The following VAMP4 variants were observed in gnomAD, a reference collection of about 807,000 sequenced individuals.
VAMP4 encodes the protein vesicle-associated membrane protein 4.
A neutral mutation model predicts 23.5 loss-of-function variants in VAMP4; 19 were observed. The observed-to-expected ratio is 0.81, with a 90% CI of 0.56 to 1.19. The LOEUF is 1.19. Among genes scored for constraint, VAMP4 ranks in the 50% most tolerant of loss-of-function variants. The pLI, the probability that VAMP4 is intolerant of heterozygous loss-of-function variation, is 0.00. For missense variants in VAMP4, 145 were observed against 168.6 expected (o/e 0.86, Z 0.78); for synonymous variants, 31 against 51.0 (o/e 0.61, Z 1.67).
chr1:171,721,937 A>G (rs1348331062), intron 3 of VAMP4, among the ~76,000 whole-genome samples: 2 of 152,128 alleles, frequency 1.3e-5, no homozygotes, highest in South Asian at 2.1e-4. Context: ...AAAAGAGCCC[A>G]CATTGCCAAG....
intron 4 of VAMP4, among the ~76,000 whole-genome samples, chr1:171,715,195 A>G (rs1341784746): frequency 6.6e-6 from 1 of 152,222 alleles, no homozygotes; most frequent in Non-Finnish European, 1.5e-5. Context: ...GCTATTAACT[A>G]AAATAAAAAA....
intron 1 of VAMP4, among the ~76,000 whole-genome samples, chr1:171,739,586 T>C (rs1655862460): frequency 6.6e-6 from 1 of 152,234 alleles, no homozygotes. Context: ...GAACTTGTGA[T>C]TGGCACCTGA....
intron 2 of VAMP4, among the ~76,000 whole-genome samples, chr1:171,736,310 G>T (rs535907071): frequency 1.3e-4 from 20 of 152,142 alleles, no homozygotes; most frequent in Non-Finnish European, 2.1e-4. Context: ...AAGAGACCCT[G>T]GATTATCCCT....
At chr1:171,735,500 C>A (rs1018829598) in intron 2 of VAMP4, among the ~76,000 whole-genome samples, 2 of 152,186 alleles carry the variant, frequency 1.3e-5, no homozygotes, top group African/African-American at 4.8e-5. Context: ...GACTTAGGGG[C>A]TCTCTGTCCA....
intron 7 of VAMP4, among the ~76,000 whole-genome samples, chr1:171,705,542 C>G (rs1654622067): frequency 6.6e-6 from 1 of 152,034 alleles, no homozygotes; most frequent in South Asian, 2.1e-4. Flanking sequence ...TTTTGTTACT[C>G]TGAAAATGTC....
intron 6 of VAMP4, among the ~76,000 whole-genome samples, chr1:171,707,983 C>T (rs1036949655): frequency 1.3e-5 from 2 of 151,926 alleles, no homozygotes; most frequent in Non-Finnish European, 2.9e-5. Context: ...AATTAGCCCA[C>T]AGAATAGAAA....
intron 3 of VAMP4, among the ~76,000 whole-genome samples, chr1:171,721,956 A>C (rs1294183214): frequency 6.6e-6 from 1 of 152,204 alleles, no homozygotes; most frequent in African/African-American, 2.4e-5. Context: ...AGACAATCCT[A>C]AGCCAAAAGA....
chr1:171,738,335 G>A lies in VAMP4; in HGVS notation c.66+14C>T, dbSNP rs1655809015. ...TGAATCTTTTGTTTTTAAAGCTTAA[G>A]ATTCCGAACTTACCCTTTCACTTTT... is the stretch of plus-strand genomic sequence containing the variant. On this transcript the variant is annotated intron_variant, in intron 2 of 7. Transcript: ENST00000236192. 1.2e-6 allele frequency: 2 copies of A among 1,612,610 alleles called. No homozygotes were observed. Among genetic ancestry groups the A allele is most frequent in the South Asian group, 2.2e-5 (2 of 90,704 alleles).
intron 5 of VAMP4, among the ~76,000 whole-genome samples, chr1:171,710,134 A>G (rs1654801555): frequency 6.6e-6 from 1 of 152,106 alleles, no homozygotes; most frequent in Non-Finnish European, 1.5e-5. Context: ...AAGATATCAA[A>G]AGTGACTGAT....
At chr1:171,716,257 T>C (rs1042391072) in intron 4 of VAMP4, among the ~76,000 whole-genome samples, 3 of 152,166 alleles carry the variant, frequency 2.0e-5, no homozygotes, top group Non-Finnish European at 4.4e-5. Context: ...ATGTCTACAA[T>C]TCACTACAGT....
At chr1:171,708,876 GAAAAAAAAAA>G (rs75439179) in intron 6 of VAMP4, among the ~76,000 whole-genome samples, 2 of 84,214 alleles carry the variant, frequency 2.4e-5, no homozygotes, top group African/African-American at 4.1e-5. Flanking sequence ...CTATCTCAAA[GAAAAAAAAAA>G]AAAAAAAAAG....
At chr1:171,722,516 G>A (rs1211232185) in intron 3 of VAMP4, among the ~76,000 whole-genome samples, 1 of 152,002 alleles carries the variant, frequency 6.6e-6, no homozygotes, top group African/African-American at 2.4e-5. Context: ...TCTGACAAAG[G>A]GCTAGTATCC....
At chr1:171,727,525 A>T (rs1325648263) in intron 3 of VAMP4, among the ~76,000 whole-genome samples, 1 of 152,224 alleles carries the variant, frequency 6.6e-6, no homozygotes, top group Non-Finnish European at 1.5e-5. Flanking sequence ...TGCTGGTGAC[A>T]ATATAAAATG....
chr1:171,713,956 A>G (rs868173420), intron 4 of VAMP4, among the ~76,000 whole-genome samples: 4 of 152,194 alleles, frequency 2.6e-5, no homozygotes, highest in South Asian at 4.1e-4. Context: ...CCTCAACAAC[A>G]TGGCACACAT....
At chr1:171,736,856 A>G (rs1332824501) in intron 2 of VAMP4, among the ~76,000 whole-genome samples, 1 of 152,130 alleles carries the variant, frequency 6.6e-6, no homozygotes, top group African/African-American at 2.4e-5. Flanking sequence ...ATGCACCTGT[A>G]GTCTTTGCTA....
intron 1 of VAMP4, among the ~76,000 whole-genome samples, chr1:171,739,314 G>C (rs1384365554): frequency 6.6e-6 from 1 of 152,208 alleles, no homozygotes; most frequent in East Asian, 1.9e-4. Flanking sequence ...AAAGGACAGG[G>C]TTCAGAGAGC....
At chr1:171,722,244 A>G (rs973599958) in intron 3 of VAMP4, among the ~76,000 whole-genome samples, 1 of 152,210 alleles carries the variant, frequency 6.6e-6, no homozygotes, top group African/African-American at 2.4e-5. Flanking sequence ...CACCTTATAC[A>G]AAAATTAATT....
chr1:171,730,663 A>C (rs936333936), intron 2 of VAMP4, among the ~76,000 whole-genome samples: 16 of 149,864 alleles, frequency 1.1e-4, no homozygotes, highest in African/African-American at 3.2e-4. Context: ...TTAAAATATA[A>C]AGTTAGTAAC....
At chr1:171,708,872 CAAAGAAA>C (rs1558105967) in intron 6 of VAMP4, among the ~76,000 whole-genome samples, 5 of 51,060 alleles carry the variant, frequency 9.8e-5, no homozygotes, top group Admixed American at 2.0e-4. Flanking sequence ...AACTCTATCT[CAAAGAAA>C]AAAAAAAAAA....
Sources: gnomAD v4.1 joint callset for allele counts (sites outside exome capture counted in the v4.1 genomes callset) on GRCh38, gnomAD v4.1.1 for gene constraint, MANE v1.5 for transcripts, NCBI Gene and HGNC (gene_info 2026-07-23, HGNC 2026-07-21) for gene names.